Variants in OPCML observed in about 807,000 individuals in gnomAD.
OPCML encodes the protein opioid binding protein/cell adhesion molecule like.
In OPCML, 13 loss-of-function variants were observed where a neutral mutation model predicts 37.8. The ratio of observed to expected loss-of-function variants is 0.34; its 90% CI spans 0.22 to 0.55. OPCML has a LOEUF of 0.55. Ranked by LOEUF, OPCML falls within the 20% of genes least tolerant of loss-of-function variation. The pLI is 0.91. For missense variants in OPCML, 341 were observed against 435.6 expected (o/e 0.78, Z 1.93); for synonymous variants, 176 against 168.8 (o/e 1.04, Z -0.33).
chr11:132,828,383 C>A (rs947444530), intron 2 of OPCML, among the ~76,000 whole-genome samples: 1 of 151,986 alleles, frequency 6.6e-6, no homozygotes, highest in African/African-American at 2.4e-5. Context: ...CTAATGTAAA[C>A]CATGGACTTT....
At chr11:132,669,026 G>C (rs1024374384) in intron 2 of OPCML, among the ~76,000 whole-genome samples, 1 of 151,880 alleles carries the variant, frequency 6.6e-6, no homozygotes, top group Non-Finnish European at 1.5e-5. Context: ...TTGATGGGCT[G>C]GTTTCTAGAT....
chr11:133,003,147 A>G (rs1223551342), intron 1 of OPCML, among the ~76,000 whole-genome samples: 2 of 152,252 alleles, frequency 1.3e-5, no homozygotes, highest in African/African-American at 2.4e-5. Context: ...AATGTCATCA[A>G]TGGTATTGTA....
intron 2 of OPCML, among the ~76,000 whole-genome samples, chr11:132,809,877 A>G (rs990801640): frequency 4.0e-5 from 6 of 151,816 alleles, no homozygotes; most frequent in South Asian, 4.2e-4. Flanking sequence ...TTGAGACGGT[A>G]TCTTGCTCTG....
intron 2 of OPCML, among the ~76,000 whole-genome samples, chr11:132,913,623 C>T (rs1340826674): frequency 6.6e-6 from 1 of 152,120 alleles, no homozygotes; most frequent in Admixed American, 6.5e-5. Context: ...AGTATAGTGC[C>T]GTGGGCCTCC....
At chr11:133,328,488 A>G (rs1309430162) in intron 1 of OPCML, among the ~76,000 whole-genome samples, 3 of 152,168 alleles carry the variant, frequency 2.0e-5, no homozygotes, top group Non-Finnish European at 4.4e-5. Flanking sequence ...TCAGAGTAAA[A>G]TGCATAGCAC....
intron 2 of OPCML, among the ~76,000 whole-genome samples, chr11:132,757,639 G>C (rs1357381602): frequency 6.6e-6 from 1 of 152,000 alleles, no homozygotes; most frequent in African/African-American, 2.4e-5. Flanking sequence ...CCCACTTTTT[G>C]ATGTTGTTGT....
At chr11:133,025,012 C>A in intron 1 of OPCML, 1 of 985,120 alleles carries the variant, frequency 1.0e-6, no homozygotes, top group South Asian at 4.7e-5. Context: ...CACAGGAAGT[C>A]CTCAAACTAT....
chr11:132,801,757 ATTCT>A (rs1329192166), intron 2 of OPCML, among the ~76,000 whole-genome samples: 2 of 152,180 alleles, frequency 1.3e-5, no homozygotes, highest in Non-Finnish European at 2.9e-5. Flanking sequence ...GTCTCAGTCT[ATTCT>A]CCGAGCTCTA....
intron 1 of OPCML, among the ~76,000 whole-genome samples, chr11:133,016,158 A>G (rs2136888916): frequency 6.6e-6 from 1 of 152,336 alleles, no homozygotes; most frequent in East Asian, 1.9e-4. Flanking sequence ...AGTGCTTAGA[A>G]CAGTTTATTA....
intron 1 of OPCML, among the ~76,000 whole-genome samples, chr11:133,500,454 C>T (rs1201298972): frequency 6.6e-6 from 1 of 152,204 alleles, no homozygotes; most frequent in Non-Finnish European, 1.5e-5. Flanking sequence ...TTAAATACTC[C>T]AATGTCATTT....
intron 3 of OPCML, among the ~76,000 whole-genome samples, chr11:132,607,290 C>T (rs868617773): frequency 2.8e-4 from 43 of 152,288 alleles, no homozygotes; most frequent in Middle Eastern, 3.4e-3. Flanking sequence ...CATTTGGAGC[C>T]CCCAGCCTTT....
chr11:132,525,262 G>T (rs2096305028), intron 4 of OPCML, among the ~76,000 whole-genome samples: 1 of 152,090 alleles, frequency 6.6e-6, no homozygotes, highest in Non-Finnish European at 1.5e-5. Context: ...TTCTGTAATT[G>T]TAAGGGGTGA....
chr11:132,622,459 A>G (rs1939479472), intron 3 of OPCML, among the ~76,000 whole-genome samples: 1 of 152,216 alleles, frequency 6.6e-6, no homozygotes, highest in Non-Finnish European at 1.5e-5. Context: ...ATTAAAAGGA[A>G]GAGGTGAAAT....
At chr11:133,329,984 A>T (rs1034061705) in intron 1 of OPCML, among the ~76,000 whole-genome samples, 17 of 152,222 alleles carry the variant, frequency 1.1e-4, no homozygotes, top group African/African-American at 4.1e-4. Context: ...ACTCAAGTTT[A>T]CAAGAAAAAA....
chr11:133,501,214 G>A (rs958440576), intron 1 of OPCML, among the ~76,000 whole-genome samples: 12 of 152,122 alleles, frequency 7.9e-5, no homozygotes, highest in East Asian at 3.9e-4. Context: ...GCTTCTATAC[G>A]CTGTCCACAG....
At position 133,526,940 on chromosome 11, in the gene OPCML, C is replaced by T. The variant is rs145173919; in HGVS notation, c.61+5324G>A. 3.3e-3 allele frequency among the ~76,000 whole-genome samples: 501 copies of T among 152,336 alleles called. 13 individuals are homozygous for T. The East Asian group carries it at 0.065, about 20-fold the overall frequency. ...CAGTCGGTATCAGAGGTGCTAACAT[C>T]CACTGCTCCTGACAGCCTGGCTTGT... On this transcript the variant is annotated intron_variant, in intron 1 of 7. Coordinates refer to ENST00000524381, the MANE Select transcript of OPCML (RefSeq NM_001012393.5).
At chr11:133,414,544 T>G (rs1945719656) in intron 1 of OPCML, among the ~76,000 whole-genome samples, 1 of 151,996 alleles carries the variant, frequency 6.6e-6, no homozygotes, top group Non-Finnish European at 1.5e-5. Flanking sequence ...AAAAATAAAC[T>G]GAAAATCACT....
At chr11:133,124,073 G>A (rs1238106394) in intron 1 of OPCML, among the ~76,000 whole-genome samples, 1 of 151,928 alleles carries the variant, frequency 6.6e-6, no homozygotes, top group Admixed American at 6.6e-5. Flanking sequence ...CTTTGCAGGT[G>A]GGTACCCAAT....
At chr11:133,181,868 G>A (rs375076825) in intron 1 of OPCML, among the ~76,000 whole-genome samples, 3 of 152,140 alleles carry the variant, frequency 2.0e-5, no homozygotes, top group East Asian at 1.9e-4. Flanking sequence ...AGGCAGCCCC[G>A]ATGCTGAGTC....
Sources: allele counts gnomAD v4.1 joint callset (sites outside exome capture counted in the v4.1 genomes callset), GRCh38; gene constraint gnomAD v4.1.1; transcripts MANE v1.5; gene names NCBI Gene and HGNC (gene_info 2026-07-23, HGNC 2026-07-21).